Variants in TMEM132D observed in about 807,000 individuals in gnomAD.
TMEM132D encodes the protein transmembrane protein 132D.
A neutral mutation model predicts 62.3 loss-of-function variants in TMEM132D; 21 were observed. The observed-to-expected ratio is 0.34, with a 90% CI of 0.24 to 0.49. The LOEUF (loss-of-function observed/expected upper bound fraction) is 0.49. Ranked by LOEUF, TMEM132D falls within the 20% of genes least tolerant of loss-of-function variation. The pLI is 0.99. For missense variants in TMEM132D, 1,346 were observed against 1,402.8 expected (o/e 0.96, Z 0.65); for synonymous variants, 621 against 575.6 (o/e 1.08, Z -1.13).
intron 3 of TMEM132D, among the ~76,000 whole-genome samples, chr12:129,515,866 G>T (rs1875658783): frequency 6.6e-6 from 1 of 152,080 alleles, no homozygotes; most frequent in African/African-American, 2.4e-5. Context: ...TTTTATTTCT[G>T]AAGGCTCCCG....
Position 129,089,159 on chromosome 12 carries a change from C to A in TMEM132D, c.1444-4457G>T, listed in dbSNP as rs868434303. Among the ~76,000 whole-genome samples, 5 of 32,720 alleles carry A rather than the reference C, an allele frequency of 1.5e-4. 1 individual carries two copies. The highest frequency in any genetic ancestry group is 2.2e-3 in the East Asian group (1 of 462). 21.5% of individuals were successfully genotyped at this position (32,720 alleles called of 152,430 possible). A position where few individuals can be genotyped will look rare whatever the true frequency, so the allele number is the denominator to read the frequency against. ...TGTCCTCTATGACCGGGTGTCCTCC[C>A]TGACCGGGTGTCCTCCATGACCGGG... On this transcript the variant is annotated intron_variant, in intron 5 of 8. Coordinates refer to ENST00000422113, the MANE Select transcript of TMEM132D (RefSeq NM_133448.3).
At chr12:129,448,093 AC>A (rs1280160257) in intron 3 of TMEM132D, among the ~76,000 whole-genome samples, 2 of 152,128 alleles carry the variant, frequency 1.3e-5, no homozygotes, top group African/African-American at 4.8e-5. Flanking sequence ...TGGCCCACGG[AC>A]TGTAGTCTAT....
rs58911236 is a variant in TMEM132D, at chr12:129,114,394, T to TTCCTTCCCTCCTTCCCTCCTTCCC, written c.1444-29716_1444-29693dup. ...TGAGAAACAGTTGGAAACTCCTTCCTTCCTTCCCTCCTTCCCTCCTTCCCT... is the reference window on the plus strand; with the variant it reads ...TGAGAAACAGTTGGAAACTCCTTCCTTCCTTCCCTCCTTCCCTCCTTCCCTCCTTCCCTCCTTCCCTCCTTCCCT... On this transcript the variant is annotated intron_variant, in intron 5 of 8. Transcript: ENST00000422113. 2.2e-3 allele frequency among the ~76,000 whole-genome samples: 321 copies of TTCCTTCCCTCCTTCCCTCCTTCCC among 146,378 alleles called. 3 individuals carry two copies. Among genetic ancestry groups the TTCCTTCCCTCCTTCCCTCCTTCCC allele is most frequent in the African/African-American group, 7.4e-3 (276 of 37,220 alleles).
intron 5 of TMEM132D, among the ~76,000 whole-genome samples, chr12:129,200,848 C>T (rs1480211388): frequency 2.6e-5 from 4 of 152,196 alleles, no homozygotes; most frequent in South Asian, 2.1e-4. Context: ...ATTTTCCACT[C>T]GTCTCTTCCT....
At chr12:129,313,806 T>C (rs1593333569) in intron 4 of TMEM132D, among the ~76,000 whole-genome samples, 1 of 152,184 alleles carries the variant, frequency 6.6e-6, no homozygotes, top group Admixed American at 6.5e-5. Flanking sequence ...ATTGTGGCTG[T>C]ACTAGTTTAC....
At chr12:129,899,126 A>T (rs1164328122) in intron 1 of TMEM132D, among the ~76,000 whole-genome samples, 1 of 133,030 alleles carries the variant, frequency 7.5e-6, no homozygotes, top group African/African-American at 3.4e-5. Context: ...GATGGATGGA[A>T]TGATGAATGG....
intron 3 of TMEM132D, among the ~76,000 whole-genome samples, chr12:129,527,151 A>T (rs12831416): frequency 0.19 from 28,717 of 151,938 alleles, 3,208 homozygotes; most frequent in Non-Finnish European, 0.25. Context: ...TCTACTATAT[A>T]TACAAAAATT....
chr12:129,541,867 T>G (rs1417412349), intron 2 of TMEM132D, among the ~76,000 whole-genome samples: 1 of 152,240 alleles, frequency 6.6e-6, no homozygotes. Context: ...CACAGAAACC[T>G]GGATGCCCTG....
intron 1 of TMEM132D, among the ~76,000 whole-genome samples, chr12:129,835,699 T>C (rs1458038083): frequency 2.0e-5 from 3 of 152,218 alleles, no homozygotes; most frequent in African/African-American, 7.2e-5. Context: ...AGTTGTGTGA[T>C]TAAACGGGGC....
At chr12:129,076,121 G>C (rs540096067) in intron 8 of TMEM132D, among the ~76,000 whole-genome samples, 2 of 151,928 alleles carry the variant, frequency 1.3e-5, no homozygotes, top group East Asian at 3.9e-4. Flanking sequence ...AAACCAGAAA[G>C]ACAAGACTGA....
intron 4 of TMEM132D, among the ~76,000 whole-genome samples, chr12:129,211,233 A>G (rs1302991702): frequency 6.6e-6 from 1 of 152,176 alleles, no homozygotes; most frequent in African/African-American, 2.4e-5. Flanking sequence ...AACATGCCAC[A>G]TTGCGTTTCT....
chr12:129,394,346 T>G (rs1395241950), intron 3 of TMEM132D, among the ~76,000 whole-genome samples: 1 of 152,178 alleles, frequency 6.6e-6, no homozygotes, highest in East Asian at 1.9e-4. Flanking sequence ...CCGTGAGGAC[T>G]GCCTGCCTGG....
chr12:129,527,289 A>G (rs1442314703), intron 3 of TMEM132D, among the ~76,000 whole-genome samples: 2 of 152,368 alleles, frequency 1.3e-5, no homozygotes, highest in East Asian at 3.9e-4. Context: ...GGCTTGGGCA[A>G]CAGTGTGAGA....
chr12:129,297,305 G>T (rs1813566877), intron 4 of TMEM132D, among the ~76,000 whole-genome samples: 2 of 152,216 alleles, frequency 1.3e-5, no homozygotes, highest in Admixed American at 1.3e-4. Context: ...GACCCCCACA[G>T]GCCTTCCCGA....
chr12:129,158,932 A>C (rs1300706965), intron 5 of TMEM132D, among the ~76,000 whole-genome samples: 1 of 152,188 alleles, frequency 6.6e-6, no homozygotes, highest in Non-Finnish European at 1.5e-5. Flanking sequence ...GAGAGGAAGC[A>C]AGGGAAATGC....
chr12:129,104,585 T>C (rs894218833), intron 5 of TMEM132D, among the ~76,000 whole-genome samples: 1 of 151,860 alleles, frequency 6.6e-6, no homozygotes, highest in African/African-American at 2.4e-5. Flanking sequence ...CAAAAGAAAC[T>C]ACCATCAGAG....
rs1424528792 is a variant in TMEM132D at position 129,208,206 on chromosome 12, G to GA, written c.1443+1313dup. 3.9e-5 allele frequency among the ~76,000 whole-genome samples: 6 copies of GA among 152,280 alleles called. No individual in the cohort carries two copies. The East Asian group carries it at 1.2e-3, about 30-fold the overall frequency. The stretch of plus-strand genomic sequence containing the variant: ...GTGTCTGGGATTGGGGTGGTGGCAG[G>GA]ACCCGAGGAGGGCTGGATCCTGGCT... On this transcript the variant is annotated intron_variant, in intron 5 of 8. Transcript: ENST00000422113.
Position 129,738,105 on chromosome 12 carries a change from GT to G in TMEM132D, c.80-37408del, listed in dbSNP as rs1327482494. Among the ~76,000 whole-genome samples the G allele has an allele frequency of 4.6e-5, 7 of 152,122 alleles. No homozygotes were observed. In the East Asian group the frequency reaches 1.3e-3, roughly 29 times the overall value. The stretch of plus-strand genomic sequence containing the variant: ...AGGAGATTAAATGACTCCTCCATTC[GT>G]TTTTCAAAATCTTATTTTAAATGTC... On this transcript the variant is annotated intron_variant, in intron 1 of 8. Coordinates refer to ENST00000422113, the MANE Select transcript of TMEM132D (RefSeq NM_133448.3).
intron 4 of TMEM132D, among the ~76,000 whole-genome samples, chr12:129,242,540 C>T (rs4759930): frequency 0.26 from 39,869 of 152,006 alleles, 5,380 homozygotes; most frequent in African/African-American, 0.31. Flanking sequence ...CCTGACAACA[C>T]TGGTCTTTTA....
Sources: gnomAD v4.1 joint callset for allele counts (sites outside exome capture counted in the v4.1 genomes callset) on GRCh38, gnomAD v4.1.1 for gene constraint, MANE v1.5 for transcripts, NCBI Gene and HGNC (gene_info 2026-07-23, HGNC 2026-07-21) for gene names.